The following IPMK variants were observed in gnomAD, a reference collection of about 807,000 sequenced individuals.
The protein encoded by IPMK is inositol 1,3,4,6-tetrakisphosphate 5-kinase.
In IPMK, 17 loss-of-function variants were observed where a neutral mutation model predicts 45.8. The observed-to-expected ratio is 0.37, with a 90% CI of 0.25 to 0.56. The LOEUF (loss-of-function observed/expected upper bound fraction) is 0.56. Ranked by LOEUF, IPMK falls within the 20% of genes least tolerant of loss-of-function variation. The pLI is 0.79. For missense variants in IPMK, 399 were observed against 498.0 expected, an observed-to-expected ratio of 0.80 and a Z score of 1.89; for synonymous variants, 180 against 184.3, an observed-to-expected ratio of 0.98 and a Z score of 0.19.
chr10:58,239,777 C>T (rs1460652687), intron 1 of IPMK, among the ~76,000 whole-genome samples: 1 of 152,106 alleles, frequency 6.6e-6, no homozygotes, highest in East Asian at 1.9e-4. Flanking sequence ...ACCAAATCCC[C>T]ACCCCCAGCT....
At chr10:58,237,661 T>C in intron 2 of IPMK, 68 bp downstream of exon 2, 1 of 1,143,402 alleles carries the variant, frequency 8.7e-7, no homozygotes, top group Non-Finnish European at 1.3e-6. Context: ...TGTGTCTTAC[T>C]GTGAGTCACC....
chr10:58,243,939 C>T (rs1453869527), intron 1 of IPMK, among the ~76,000 whole-genome samples: 2 of 150,190 alleles, frequency 1.3e-5, no homozygotes, highest in African/African-American at 4.9e-5. Context: ...CTCTGCCCGA[C>T]CGCCCATCGT....
chr10:58,197,501 T>G (rs1303595483), intron 5 of IPMK, among the ~76,000 whole-genome samples: 1 of 149,798 alleles, frequency 6.7e-6, no homozygotes, highest in Non-Finnish European at 1.5e-5. Context: ...ACACAAAAAA[T>G]TAGCTGGGCA....
intron 1 of IPMK, among the ~76,000 whole-genome samples, chr10:58,266,874 G>GA (rs752343428): frequency 1.4e-4 from 21 of 152,104 alleles, no homozygotes; most frequent in Non-Finnish European, 2.9e-4. Context: ...GGAGACACCA[G>GA]AAAAACCTCC....
In IPMK at chr10:58,233,264, C is replaced by T. The variant is rs190943847; in HGVS notation, c.276+4465G>A. On this transcript the variant is annotated intron_variant, in intron 2 of 5. Coordinates refer to ENST00000373935, the MANE Select transcript of IPMK (RefSeq NM_152230.5). Reference sequence around the variant, plus strand: ...AGTACAAAGAGGAGCTGGTACCATTCCTTCTAAAACTATTCCAATCAATAG... The same window carrying T: ...AGTACAAAGAGGAGCTGGTACCATTTCTTCTAAAACTATTCCAATCAATAG... Among the ~76,000 whole-genome samples, 300 of 152,270 alleles carry T rather than the reference C, an allele frequency of 2.0e-3. 1 individual carries two copies. The highest frequency in any genetic ancestry group is 6.3e-3 in the African/African-American group (263 of 41,536).
In IPMK at chr10:58,191,712, C is replaced by T. The variant is rs978937214; in HGVS notation, c.*4364G>A. On this transcript the variant is annotated 3_prime_UTR_variant, in exon 6 of 6. Transcript: ENST00000373935. Reference sequence around the variant, plus strand: ...TTACAAACACATTTAAAAAAAAACCCTAAAGACATTTATACATTTAAACCA... The same window carrying T: ...TTACAAACACATTTAAAAAAAAACCTTAAAGACATTTATACATTTAAACCA... The T allele has an allele frequency of 6.6e-6, 1 of 151,990 alleles. No individual in the cohort carries two copies. Among genetic ancestry groups the T allele is most frequent in the African/African-American group, 2.4e-5 (1 of 41,374 alleles). The allele number at this position is 151,990 out of a possible 1,614,324, so 9.4% of individuals were successfully genotyped here. A position where few individuals can be genotyped will look rare whatever the true frequency, so the allele number is the denominator to read the frequency against.
At chr10:58,247,486 T>C (rs931210805) in intron 1 of IPMK, among the ~76,000 whole-genome samples, 4 of 151,726 alleles carry the variant, frequency 2.6e-5, no homozygotes, top group African/African-American at 9.7e-5. Flanking sequence ...TAAAAAATGA[T>C]GAGTTCATGT....
At chr10:58,251,070 A>G (rs573005651) in intron 1 of IPMK, among the ~76,000 whole-genome samples, 1 of 152,242 alleles carries the variant, frequency 6.6e-6, no homozygotes, top group Admixed American at 6.5e-5. Flanking sequence ...TTGCTCTTCT[A>G]ACTCATTGAG....
At chr10:58,227,016 G>C (rs747356371) in intron 3 of IPMK, 27 bp downstream of exon 3, 1 of 1,497,276 alleles carries the variant, frequency 6.7e-7, no homozygotes, top group Admixed American at 1.7e-5. Context: ...AATTAAAACT[G>C]AAAGATAATT....
At chr10:58,216,428 T>A (rs1838245416) in intron 3 of IPMK, 111 bp from the exon 4 acceptor site, 1 of 488,438 alleles carries the variant, frequency 2.0e-6, no homozygotes, top group South Asian at 5.3e-5. Context: ...AAAGTTAAAA[T>A]AAATGTAAAG....
intron 4 of IPMK, among the ~76,000 whole-genome samples, chr10:58,211,273 C>T (rs936670820): frequency 6.6e-6 from 1 of 151,610 alleles, no homozygotes; most frequent in Admixed American, 6.6e-5. Context: ...CTCACTGCAA[C>T]CTCCACTTCC....
intron 1 of IPMK, among the ~76,000 whole-genome samples, chr10:58,242,769 G>C (rs1838715731): frequency 6.6e-6 from 1 of 152,154 alleles, no homozygotes; most frequent in Non-Finnish European, 1.5e-5. Context: ...GATATGGTTT[G>C]GTTCTGTATG....
rs189279044 is a variant in IPMK at position 58,195,522 on chromosome 10, C to G, written c.*554G>C. The G allele has an allele frequency of 2.0e-5, 3 of 152,198 alleles. No individual in the cohort carries two copies. Among genetic ancestry groups the G allele is most frequent in the Non-Finnish European group, 4.4e-5 (3 of 67,976 alleles). 9.4% of individuals were successfully genotyped at this position (152,198 alleles called of 1,614,324 possible). A position where few individuals can be genotyped will look rare whatever the true frequency, so the allele number is the denominator to read the frequency against. On this transcript the variant is annotated 3_prime_UTR_variant, in exon 6 of 6. Transcript: ENST00000373935. ...AACCTGCTTTTGGAATGCAACAATT[C>G]TAAATCATTTCACTAAGGAGCACCC... is the stretch of plus-strand genomic sequence containing the variant.
rs1451262324 is a variant in IPMK at position 58,196,379 on chromosome 10, C to A, written c.948G>T (p.Lys316Asn). The A allele has an allele frequency of 6.2e-7, 1 of 1,614,086 alleles. No homozygotes were observed. Among genetic ancestry groups the A allele is most frequent in the Non-Finnish European group, 8.5e-7 (1 of 1,180,004 alleles). The stretch of plus-strand genomic sequence containing the variant: ...ATATTTTCCTGTGACGCGCATACAT[C>A]TTGGACAAGCTTTTGCCCACTGAAG... ...IESSVGKSLSKMYARHRKIYT... is the reference protein window; with the variant it reads ...IESSVGKSLSNMYARHRKIYT... Residue 316 changes from lysine (K) to asparagine (N), a missense_variant, in exon 6 of 6, where the codon AAG (lysine) becomes AAT (asparagine). Physicochemically the swap from Lys to Asn is moderately conservative, Grantham distance 94. This residue lies in a region of IPMK where 288 missense variants were observed against 398.0 expected (regional missense o/e 0.72). Transcript: ENST00000373935.
intron 4 of IPMK, among the ~76,000 whole-genome samples, chr10:58,202,604 G>A (rs1838013174): frequency 6.6e-6 from 1 of 152,174 alleles, no homozygotes; most frequent in Non-Finnish European, 1.5e-5. Context: ...GTTGGGGGCT[G>A]CAGTGAGCTA....
At chr10:58,262,307 G>A (rs895031160) in intron 1 of IPMK, among the ~76,000 whole-genome samples, 3 of 152,116 alleles carry the variant, frequency 2.0e-5, no homozygotes, top group African/African-American at 7.2e-5. Flanking sequence ...AGTAGTATGG[G>A]TGTAGAAATT....
At chr10:58,255,384 T>C (rs1465853656) in intron 1 of IPMK, among the ~76,000 whole-genome samples, 3 of 152,110 alleles carry the variant, frequency 2.0e-5, no homozygotes, top group Non-Finnish European at 4.4e-5. Flanking sequence ...AAACCACGGG[T>C]CTAGGGAAAT....
intron 2 of IPMK, among the ~76,000 whole-genome samples, chr10:58,235,884 T>C (rs1838604776): frequency 6.6e-6 from 1 of 151,260 alleles, no homozygotes. Context: ...ATAGGTAAGT[T>C]CTATCAAGCC....
In IPMK at chr10:58,195,454, G is replaced by T. The variant is rs1349488205; in HGVS notation, c.*622C>A. 6.6e-6 allele frequency: 1 copy of T among 152,032 alleles called. No individual in the cohort carries two copies. Among genetic ancestry groups the T allele is most frequent in the Non-Finnish European group, 1.5e-5 (1 of 67,944 alleles). The allele number at this position is 152,032 out of a possible 1,614,324, so 9.4% of individuals were successfully genotyped here. On this transcript the variant is annotated 3_prime_UTR_variant, in exon 6 of 6. Coordinates refer to ENST00000373935, the MANE Select transcript of IPMK (RefSeq NM_152230.5). The stretch of plus-strand genomic sequence containing the variant: ...CATCCACATCAATTGTCTTTTTCAT[G>T]AAGTATAATATTTTGAGAGAGAGAT...
Sources: allele counts gnomAD v4.1 joint callset (sites outside exome capture counted in the v4.1 genomes callset), GRCh38; gene constraint gnomAD v4.1.1; regional missense constraint gnomAD v4.1.1; transcripts MANE v1.5; gene names NCBI Gene and HGNC (gene_info 2026-07-23, HGNC 2026-07-21).